THSD4: variants seen among roughly 807,000 people sequenced by gnomAD.
THSD4 encodes the protein thrombospondin type-1 domain-containing protein 4.
Under a neutral mutation model 119.0 loss-of-function variants are expected in THSD4, and 69 were observed. That is an observed-to-expected ratio of 0.58 (90% CI 0.48 to 0.71). THSD4 has a LOEUF of 0.71. Among genes scored for constraint, THSD4 ranks in the 30% least tolerant of loss-of-function variants. The pLI is 0.00. For synonymous variants in THSD4, 524 were observed against 540.4 expected, an observed-to-expected ratio of 0.97 and a Z score of 0.42; for missense variants, 1,393 against 1,391.1, an observed-to-expected ratio of 1.00 and a Z score of -0.02.
intron 1 of THSD4, among the ~76,000 whole-genome samples, chr15:71,098,189 CTTTTTTT>C (rs55726832): frequency 0.14 from 12,069 of 84,226 alleles, 821 homozygotes; most frequent in East Asian, 0.34. Context: ...AATTCTTTCA[CTTTTTTT>C]TTTTTTTTTT....
chr15:71,205,869 CTT>C (rs36119455), intron 3 of THSD4, among the ~76,000 whole-genome samples: 12 of 130,822 alleles, frequency 9.2e-5, no homozygotes, highest in Non-Finnish European at 7.9e-5. Flanking sequence ...TGGAGATTCT[CTT>C]TTTTTTTTTT....
chr15:71,234,975 A>T (rs1567164885), intron 4 of THSD4, among the ~76,000 whole-genome samples: 1 of 152,232 alleles, frequency 6.6e-6, no homozygotes, highest in Non-Finnish European at 1.5e-5. Flanking sequence ...CTTGAGAAGG[A>T]CTATTCCTCG....
At chr15:71,250,030 G>T (rs573465948) in intron 5 of THSD4, among the ~76,000 whole-genome samples, 29 of 152,204 alleles carry the variant, frequency 1.9e-4, no homozygotes, top group Non-Finnish European at 3.8e-4. Flanking sequence ...CCTTTGCAAG[G>T]TTAGAAATGT....
intron 5 of THSD4, among the ~76,000 whole-genome samples, chr15:71,245,629 A>G (rs988842245): frequency 1.3e-5 from 2 of 152,214 alleles, no homozygotes; most frequent in African/African-American, 4.8e-5. Context: ...TTCCTCTGCA[A>G]TGACTTGTTA....
At chr15:71,626,094 T>C (rs928968183) in intron 7 of THSD4, among the ~76,000 whole-genome samples, 1 of 152,218 alleles carries the variant, frequency 6.6e-6, no homozygotes, top group African/African-American at 2.4e-5. Context: ...TAATTCATAA[T>C]GTTTGGTGCT....
intron 15 of THSD4, among the ~76,000 whole-genome samples, chr15:71,759,503 A>G (rs941636508): frequency 6.6e-6 from 1 of 152,242 alleles, no homozygotes; most frequent in Non-Finnish European, 1.5e-5. Context: ...GATATGGGAA[A>G]CACTTAATAA....
At chr15:71,502,258 A>G (rs2048123221) in intron 7 of THSD4, among the ~76,000 whole-genome samples, 1 of 152,202 alleles carries the variant, frequency 6.6e-6, no homozygotes, top group Admixed American at 6.5e-5. Flanking sequence ...ATGCTTGTAT[A>G]TAATATAGGG....
intron 7 of THSD4, among the ~76,000 whole-genome samples, chr15:71,657,895 G>A (rs1293861902): frequency 6.6e-6 from 1 of 152,184 alleles, no homozygotes; most frequent in Non-Finnish European, 1.5e-5. Context: ...ATAACATTTT[G>A]TCTGTGTCTG....
chr15:71,377,851 T>C, intron 6 of THSD4, among the ~76,000 whole-genome samples: 1 of 113,474 alleles, frequency 8.8e-6, no homozygotes, highest in South Asian at 3.1e-4. Context: ...TCTTCTCTAT[T>C]CCCGGACATA....
At chr15:71,687,981 T>A (rs1365290206) in intron 8 of THSD4, among the ~76,000 whole-genome samples, 1 of 152,240 alleles carries the variant, frequency 6.6e-6, no homozygotes, top group Non-Finnish European at 1.5e-5. Context: ...AGGCTGCAGT[T>A]GTGGCTTCAG....
rs2051566628 is a variant in THSD4 at position 71,673,090 on chromosome 15, A to G, written c.1357+12356A>G. ...ACCAGCTCCTCTTTGTACCTCTGGT[A>G]GAATTCGGCTGTGAATCCGCCTGGT... On this transcript the variant is annotated intron_variant, in intron 8 of 17. Coordinates refer to ENST00000261862, the MANE Select transcript of THSD4 (RefSeq NM_024817.3). 2.0e-5 allele frequency among the ~76,000 whole-genome samples: 3 copies of G among 152,228 alleles called. No homozygotes were observed. The South Asian group carries it at 6.2e-4, about 31-fold the overall frequency.
At chr15:71,583,458 G>GTT (rs34135577) in intron 7 of THSD4, among the ~76,000 whole-genome samples, 37 of 147,040 alleles carry the variant, frequency 2.5e-4, no homozygotes, top group South Asian at 8.6e-4. Context: ...TTTGGGCTTT[G>GTT]TTTTTTTTTT....
chr15:71,626,036 A>C (rs2050503519), intron 7 of THSD4, among the ~76,000 whole-genome samples: 1 of 152,084 alleles, frequency 6.6e-6, no homozygotes, highest in South Asian at 2.1e-4. Flanking sequence ...ATTTTTATAC[A>C]TTTTTCTACA....
intron 7 of THSD4, among the ~76,000 whole-genome samples, chr15:71,586,578 A>T (rs1175119901): frequency 6.6e-6 from 1 of 152,158 alleles, no homozygotes; most frequent in Admixed American, 6.5e-5. Context: ...TCAATCAGAA[A>T]CAGCATGCTA....
chr15:71,441,585 G>C (rs566811098), intron 7 of THSD4, among the ~76,000 whole-genome samples: 7 of 151,788 alleles, frequency 4.6e-5, no homozygotes, highest in Admixed American at 4.6e-4. Flanking sequence ...AGTAGAGACG[G>C]GGTTTCACTA....
chr15:71,492,896 T>C (rs1291991967), intron 7 of THSD4, among the ~76,000 whole-genome samples: 1 of 146,634 alleles, frequency 6.8e-6, no homozygotes, highest in Non-Finnish European at 1.5e-5. Flanking sequence ...TGAAATGTCT[T>C]TTTTTTTTTT....
chr15:71,235,817 C>G (rs1282327754), intron 4 of THSD4, among the ~76,000 whole-genome samples: 1 of 152,154 alleles, frequency 6.6e-6, no homozygotes, highest in Non-Finnish European at 1.5e-5. Flanking sequence ...TCTGGAACTC[C>G]TGGCCTTAAG....
chr15:71,520,031 T>C (rs2048417329), intron 7 of THSD4, among the ~76,000 whole-genome samples: 1 of 152,208 alleles, frequency 6.6e-6, no homozygotes, highest in Non-Finnish European at 1.5e-5. Context: ...TCTAGCAGGA[T>C]TCTAAGTGCT....
At chr15:71,381,993 AAG>A (rs1316508476) in intron 6 of THSD4, among the ~76,000 whole-genome samples, 2 of 152,146 alleles carry the variant, frequency 1.3e-5, no homozygotes, top group Admixed American at 6.5e-5. Context: ...CAAGATCAAA[AAG>A]AATTAATTTA....
Sources: gnomAD v4.1 joint callset for allele counts (sites outside exome capture counted in the v4.1 genomes callset) on GRCh38, gnomAD v4.1.1 for gene constraint, MANE v1.5 for transcripts, NCBI Gene and HGNC (gene_info 2026-07-23, HGNC 2026-07-21) for gene names.